XDH: variants seen among roughly 807,000 people sequenced by gnomAD.
The protein encoded by XDH is xanthine dehydrogenase/oxidase.
XDH carries 138 observed loss-of-function variants against 156.1 expected under a neutral mutation model. That is an observed-to-expected ratio of 0.88 (90% CI 0.77 to 1.02). The LOEUF is 1.02. XDH is among the 50% of genes least tolerant of loss of function. XDH has a pLI of 0.00. For missense variants in XDH, 1,849 were observed against 1,684.9 expected (o/e 1.10, Z -1.71); for synonymous variants, 669 against 625.7 (o/e 1.07, Z -1.03).
chr2:31,339,606 G>C lies in XDH; in HGVS notation c.3657C>G (p.Ser1219Arg). ...LEELHYSPEG[S>R]LHTRGPSTYK... ...AGGTGCTAGGGCCACGGGTGTGCAG[G>C]CTCCCCTCGGGGGAATAGTGTAGCT... The change falls in exon 34 of 36, where the codon AGC becomes AGG. Residue 1219 changes from serine (S) to arginine (R), a missense_variant. Physicochemically the swap from Ser to Arg is moderately radical, Grantham distance 110. Coordinates refer to ENST00000379416, the MANE Select transcript of XDH (RefSeq NM_000379.4). 1.2e-6 allele frequency: 2 copies of C among 1,614,188 alleles called. No homozygotes were observed. Among genetic ancestry groups the C allele is most frequent in the Non-Finnish European group, 1.7e-6 (2 of 1,180,030 alleles).
At chr2:31,398,793 G>T (rs1686982923) in intron 4 of XDH, 94 bp from the exon 5 acceptor site, 1 of 1,584,730 alleles carries the variant, frequency 6.3e-7, no homozygotes, top group African/African-American at 1.3e-5. Context: ...TTGAGAGATA[G>T]TGGGGGTAGT....
chr2:31,403,008 C>T (rs1343196657), intron 3 of XDH, 40 bp downstream of exon 3: 3 of 1,610,422 alleles, frequency 1.9e-6, no homozygotes, highest in South Asian at 1.1e-5. Context: ...TCCTGCATCG[C>T]AGCCCCCATG....
chr2:31,366,067 C>T lies in XDH; in HGVS notation c.2365G>A (p.Val789Met). The T allele has an allele frequency of 1.2e-6, 2 of 1,614,220 alleles. No individual in the cohort carries two copies. Among genetic ancestry groups the T allele is most frequent in the Non-Finnish European group, 1.7e-6 (2 of 1,180,042 alleles). ...CCTCCCATTCTCTTCACTCGAACCA[C>T]AATCCGGTTTGCTGGAACCCCCAAC... ...KMLGVPANRIVVRVKRMGGGF... is the reference protein window; with the variant it reads ...KMLGVPANRIMVRVKRMGGGF... Residue 789 changes from valine to methionine, a missense_variant, in exon 22 of 36, where the codon GTG (valine) becomes ATG (methionine). Transcript: ENST00000379416.
intron 30 of XDH, among the ~76,000 whole-genome samples, chr2:31,345,659 TCATTTAA>T (rs1478593431): frequency 6.6e-6 from 1 of 152,066 alleles, no homozygotes; most frequent in Non-Finnish European, 1.5e-5. Flanking sequence ...CCTGCACTAG[TCATTTAA>T]CATAATGTGC....
intron 6 of XDH, among the ~76,000 whole-genome samples, chr2:31,388,586 C>A (rs1427927788): frequency 1.3e-5 from 2 of 152,232 alleles, no homozygotes; most frequent in Non-Finnish European, 2.9e-5. Context: ...CAAAACCTAT[C>A]CCTTATGCCC....
At chr2:31,387,686 G>GA in intron 8 of XDH, 125 bp downstream of exon 8, 2 of 941,996 alleles carry the variant, frequency 2.1e-6, no homozygotes, top group Non-Finnish European at 3.2e-6. Context: ...AAATGGAAGG[G>GA]AAATTTAAGC....
chr2:31,336,344 C>T (rs1336685835), intron 35 of XDH, among the ~76,000 whole-genome samples: 10 of 152,174 alleles, frequency 6.6e-5, no homozygotes, highest in Non-Finnish European at 1.2e-4. Context: ...ATTTTTAAAT[C>T]GCTGGTATGT....
chr2:31,382,609 C>T (rs1030948682), intron 11 of XDH, among the ~76,000 whole-genome samples: 6 of 152,140 alleles, frequency 3.9e-5, no homozygotes, highest in Non-Finnish European at 5.9e-5. Flanking sequence ...GGAAATTCCC[C>T]TCTCAATTCT....
intron 15 of XDH, among the ~76,000 whole-genome samples, 196 bp downstream of exon 15, chr2:31,375,184 C>T (rs1027034483): frequency 3.3e-5 from 5 of 152,032 alleles, no homozygotes; most frequent in Non-Finnish European, 5.9e-5. Context: ...GAACCTCTGT[C>T]GCCAAAGCCC....
intron 1 of XDH, among the ~76,000 whole-genome samples, chr2:31,406,891 A>C (rs2148011374): frequency 6.6e-6 from 1 of 152,354 alleles, no homozygotes; most frequent in East Asian, 1.9e-4. Flanking sequence ...GTCAGAAATG[A>C]AAGAGAAATC....
chr2:31,398,776 G>A, intron 4 of XDH, 77 bp from the exon 5 acceptor site: 1 of 1,600,264 alleles, frequency 6.2e-7, no homozygotes, highest in Non-Finnish European at 8.5e-7. Flanking sequence ...ACTGGAGCCA[G>A]CACATGTTGA....
intron 31 of XDH, 124 bp from the exon 32 acceptor site, chr2:31,342,421 A>G: frequency 6.1e-6 from 5 of 813,446 alleles, no homozygotes; most frequent in Non-Finnish European, 6.1e-6. Context: ...GCTGTTCTCC[A>G]AAAAAGTCCA....
In XDH at chr2:31,383,151, A is replaced by G. The variant is rs1310597467; in HGVS notation, c.888T>C (p.Gly296=). 1.9e-6 allele frequency: 3 copies of G among 1,614,178 alleles called. No homozygotes were observed. Among genetic ancestry groups the G allele is most frequent in the South Asian group, 1.1e-5 (1 of 91,076 alleles). Residue 296 remains glycine (G), a splice_region_variant and synonymous_variant, in exon 11 of 36, where the codon GGT becomes GGC. Transcript: ENST00000379416. ...ELNSVEHGPD[G]ISFGAACPLS... ...GGGGGCAAGCAGCTCCAAAGGAGAT[A>G]CCTGGGAACGCACGTTCGGAATCAC...
At chr2:31,357,987 CT>C (rs991100015) in intron 24 of XDH, among the ~76,000 whole-genome samples, 1 of 150,496 alleles carries the variant, frequency 6.6e-6, no homozygotes. Flanking sequence ...TTGTTTGTTT[CT>C]TTTTTTTTCA....
chr2:31,383,204 G>C, intron 10 of XDH, 52 bp from the exon 11 acceptor site: 1 of 1,613,324 alleles, frequency 6.2e-7, no homozygotes, highest in Non-Finnish European at 8.5e-7. Context: ...TTCAGAAGAG[G>C]CTTTCATGCA....
intron 24 of XDH, among the ~76,000 whole-genome samples, chr2:31,353,482 T>C (rs1195621849): frequency 6.6e-6 from 1 of 152,094 alleles, no homozygotes; most frequent in Non-Finnish European, 1.5e-5. Flanking sequence ...GTAAGAATAC[T>C]CTGAAAAGTG....
chr2:31,387,698 G>A, intron 8 of XDH, 113 bp downstream of exon 8: 1 of 1,053,038 alleles, frequency 9.5e-7, no homozygotes, highest in South Asian at 1.4e-5. Flanking sequence ...AATTTAAGCT[G>A]AAACATAAAG....
chr2:31,367,130 C>A, intron 20 of XDH, 136 bp from the exon 21 acceptor site: 1 of 1,465,200 alleles, frequency 6.8e-7, no homozygotes, highest in Non-Finnish European at 9.3e-7. Context: ...CAAGGTTTCC[C>A]ACTTGGGGTG....
chr2:31,383,108 T>C lies in XDH; in HGVS notation c.931A>G (p.Thr311Ala), dbSNP rs775290885. The C allele has an allele frequency of 9.9e-6, 16 of 1,613,948 alleles. No individual in the cohort carries two copies. Among genetic ancestry groups the C allele is most frequent in the African/African-American group, 9.3e-5 (7 of 74,882 alleles). Residue 311 changes from threonine to alanine, a missense_variant, in exon 11 of 36, where the codon ACC (threonine) becomes GCC (alanine). Thr to Ala is a moderately conservative substitution (Grantham distance 58). Coordinates refer to ENST00000379416, the MANE Select transcript of XDH (RefSeq NM_000379.4). ...AACPLSIVEK[T>A]LVDAVAKLPA... ...AGCTTAGCAACAGCATCCACCAGGG[T>C]TTTTTCCACAATGCTCAGGGGGCAA...
Sources: allele counts gnomAD v4.1 joint callset (sites outside exome capture counted in the v4.1 genomes callset), GRCh38; gene constraint gnomAD v4.1.1; transcripts MANE v1.5; gene names NCBI Gene and HGNC (gene_info 2026-07-23, HGNC 2026-07-21).